The following HECW1 variants were observed in gnomAD, a reference collection of about 807,000 sequenced individuals.
The protein encoded by HECW1 is HECT, C2 and WW domain containing E3 ubiquitin protein ligase 1.
Under a neutral mutation model 182.3 loss-of-function variants are expected in HECW1, and 61 were observed. That is an observed-to-expected ratio of 0.33 (90% CI 0.27 to 0.41). HECW1 has a LOEUF of 0.41. Ranked by LOEUF, HECW1 falls within the 10% of genes least tolerant of loss-of-function variation. HECW1 has a pLI of 1.00. For missense variants in HECW1, 1,739 were observed against 2,108.9 expected (o/e 0.82, Z 3.44); for synonymous variants, 859 against 832.6 (o/e 1.03, Z -0.55).
chr7:43,232,408 C>A (rs747125251), intron 2 of HECW1, among the ~76,000 whole-genome samples: 5 of 152,178 alleles, frequency 3.3e-5, no homozygotes, highest in Admixed American at 6.5e-5. Context: ...TGGAGGCTGG[C>A]TGTGCAACTG....
intron 2 of HECW1, among the ~76,000 whole-genome samples, chr7:43,169,690 C>CTTTTTT (rs374141328): frequency 7.9e-5 from 9 of 113,454 alleles, no homozygotes; most frequent in East Asian, 6.9e-4. Flanking sequence ...TTTTTCTTTT[C>CTTTTTT]TTTTTTTTTT....
At chr7:43,179,723 C>G (rs1242981538) in intron 2 of HECW1, among the ~76,000 whole-genome samples, 1 of 152,130 alleles carries the variant, frequency 6.6e-6, no homozygotes, top group African/African-American at 2.4e-5. Flanking sequence ...TAGAATATGA[C>G]TGCCTTAATT....
chr7:43,322,092 G>A (rs1333963232), intron 5 of HECW1, among the ~76,000 whole-genome samples: 2 of 151,990 alleles, frequency 1.3e-5, no homozygotes, highest in Non-Finnish European at 2.9e-5. Context: ...TTTTTGAGAC[G>A]GAGTTTCGTT....
At chr7:43,278,228 C>T (rs1803420505) in intron 3 of HECW1, among the ~76,000 whole-genome samples, 1 of 152,140 alleles carries the variant, frequency 6.6e-6, no homozygotes, top group Admixed American at 6.5e-5. Context: ...TGATCATCAG[C>T]CATTTCAATC....
intron 5 of HECW1, among the ~76,000 whole-genome samples, chr7:43,321,330 T>C (rs539406433): frequency 5.3e-5 from 8 of 152,368 alleles, no homozygotes; most frequent in African/African-American, 1.9e-4. Context: ...TTATATGTTT[T>C]CTAAAATTTT....
intron 2 of HECW1, among the ~76,000 whole-genome samples, chr7:43,205,668 A>G (rs1288800704): frequency 2.0e-5 from 3 of 152,196 alleles, no homozygotes; most frequent in South Asian, 2.1e-4. Flanking sequence ...ATGCCTGGCC[A>G]TGTGCAGTGG....
chr7:43,134,691 A>G (rs771135821), intron 2 of HECW1, among the ~76,000 whole-genome samples: 3 of 148,212 alleles, frequency 2.0e-5, no homozygotes, highest in Non-Finnish European at 3.0e-5. Flanking sequence ...TTTAAGTGGC[A>G]TATTTTCCTC....
chr7:43,161,443 T>C (rs894530727), intron 2 of HECW1, among the ~76,000 whole-genome samples: 1 of 152,206 alleles, frequency 6.6e-6, no homozygotes, highest in Non-Finnish European at 1.5e-5. Context: ...CCTTGTGTAA[T>C]TACAGTGCTT....
chr7:43,208,544 G>T (rs1288939904), intron 2 of HECW1, among the ~76,000 whole-genome samples: 3 of 152,238 alleles, frequency 2.0e-5, no homozygotes, highest in Non-Finnish European at 4.4e-5. Flanking sequence ...ATCTCCAGGG[G>T]AGAGCTCACA....
chr7:43,353,537 A>T (rs908110677), intron 5 of HECW1, among the ~76,000 whole-genome samples: 6 of 152,134 alleles, frequency 3.9e-5, no homozygotes, highest in African/African-American at 1.4e-4. Context: ...CCAGAACTCA[A>T]ATATGAGGGT....
chr7:43,410,636 G>C (rs1407793946), intron 8 of HECW1, among the ~76,000 whole-genome samples: 1 of 152,184 alleles, frequency 6.6e-6, no homozygotes, highest in Non-Finnish European at 1.5e-5. Flanking sequence ...TAATTTACCA[G>C]TGAAAACATC....
At chr7:43,367,641 A>T (rs1360864882) in intron 6 of HECW1, among the ~76,000 whole-genome samples, 1 of 152,184 alleles carries the variant, frequency 6.6e-6, no homozygotes, top group Non-Finnish European at 1.5e-5. Flanking sequence ...CATGCAAAGG[A>T]TCAATGCTGC....
intron 3 of HECW1, among the ~76,000 whole-genome samples, chr7:43,276,994 G>T (rs965982772): frequency 4.6e-5 from 7 of 152,216 alleles, no homozygotes; most frequent in Admixed American, 3.3e-4. Context: ...TCTTCTCAGT[G>T]TTGGCCAGAA....
intron 13 of HECW1, among the ~76,000 whole-genome samples, chr7:43,457,169 C>T (rs2077428604): frequency 6.6e-6 from 1 of 152,194 alleles, no homozygotes; most frequent in Non-Finnish European, 1.5e-5. Flanking sequence ...CCATTCATGT[C>T]AGAGATGATG....
chr7:43,202,956 C>G (rs1247354170), intron 2 of HECW1, among the ~76,000 whole-genome samples: 1 of 152,120 alleles, frequency 6.6e-6, no homozygotes, highest in East Asian at 1.9e-4. Flanking sequence ...ACTACCTACC[C>G]AAATCCTATA....
At chr7:43,256,164 A>G (rs1217353180) in intron 3 of HECW1, among the ~76,000 whole-genome samples, 2 of 152,364 alleles carry the variant, frequency 1.3e-5, no homozygotes, top group East Asian at 3.9e-4. Context: ...TAAGGCAAAG[A>G]ATAATGATTG....
At chr7:43,508,891 C>A in intron 23 of HECW1, 78 bp from the exon 24 acceptor site, 1 of 1,504,464 alleles carries the variant, frequency 6.6e-7, no homozygotes, top group Non-Finnish European at 9.1e-7. Flanking sequence ...TGAAAGGGCA[C>A]ACTAGAATCT....
chr7:43,470,651 A>T (rs1366886643), intron 16 of HECW1, among the ~76,000 whole-genome samples: 1 of 152,234 alleles, frequency 6.6e-6, no homozygotes, highest in African/African-American at 2.4e-5. Context: ...TAGCAAGAAG[A>T]TATCATACAT....
rs190004712 is a variant in HECW1, at chr7:43,214,784, C to G, written c.-31-29091C>G. Among the ~76,000 whole-genome samples the G allele has an allele frequency of 1.6e-3, 240 of 152,344 alleles. 3 individuals carry two copies. Among genetic ancestry groups the G allele is most frequent in the African/African-American group, 5.4e-3 (225 of 41,576 alleles). On this transcript the variant is annotated intron_variant, in intron 2 of 29. Transcript: ENST00000395891. ...CACTAGCCCAGAAGGAGGAGGAACC[C>G]CCAGAGAGGGGCCAGCTCACAGCCC...
Sources: gnomAD v4.1 joint callset for allele counts (sites outside exome capture counted in the v4.1 genomes callset) on GRCh38, gnomAD v4.1.1 for gene constraint, MANE v1.5 for transcripts, NCBI Gene and HGNC (gene_info 2026-07-23, HGNC 2026-07-21) for gene names.